Variants in EYA4 observed in about 807,000 individuals in gnomAD.
EYA4 encodes protein phosphatase EYA4.
Under a neutral mutation model 87.9 loss-of-function variants are expected in EYA4, and 31 were observed. The observed-to-expected ratio is 0.35, with a 90% CI of 0.27 to 0.48. The LOEUF (loss-of-function observed/expected upper bound fraction) is 0.48. EYA4 is among the 20% of genes least tolerant of loss of function. EYA4 has a pLI of 0.99. For missense variants in EYA4, 678 were observed against 761.4 expected (o/e 0.89, Z 1.29); for synonymous variants, 263 against 270.6 (o/e 0.97, Z 0.28).
intron 11 of EYA4, among the ~76,000 whole-genome samples, chr6:133,477,599 T>C (rs1018132050): frequency 8.5e-5 from 13 of 152,212 alleles, no homozygotes; most frequent in African/African-American, 2.9e-4. Context: ...GAAGCAGATC[T>C]AGGTTTGACC....
In EYA4 at chr6:133,525,153, G is replaced by A. The variant is rs797045088; in HGVS notation, c.1739-1G>A. ...TGAACTTTATCTCATTTATCTTCCA[G>A]GAAAAGAAAGTTGCTTTGAACGAAT... On this transcript the variant is annotated splice_acceptor_variant, in intron 18 of 19. Coordinates refer to ENST00000355286, the MANE Select transcript of EYA4 (RefSeq NM_004100.5). LOFTEE classifies it high-confidence loss of function. The A allele has an allele frequency of 2.2e-5, 36 of 1,613,518 alleles. No individual in the cohort carries two copies. Among genetic ancestry groups the A allele is most frequent in the Non-Finnish European group, 3.0e-5 (35 of 1,179,740 alleles).
In EYA4 at chr6:133,515,412, G is replaced by A. The variant is rs1461791517; in HGVS notation, c.1593G>A (p.Lys531=). ...LTDSWLTNAL[K]SLSIISTRSN... ...ATTCCTGGCTAACAAATGCACTTAA[G>A]TCTTTATCAATTATTAGCACTAGGT... The change falls in exon 17 of 20, where the codon AAG becomes AAA. Residue 531 remains lysine, a synonymous_variant. Transcript: ENST00000355286. 1.2e-6 allele frequency: 2 copies of A among 1,602,896 alleles called. No individual in the cohort carries two copies. Among genetic ancestry groups the A allele is most frequent in the Non-Finnish European group, 1.7e-6 (2 of 1,169,764 alleles).
intron 3 of EYA4, among the ~76,000 whole-genome samples, chr6:133,440,793 G>T (rs918359906): frequency 1.3e-5 from 2 of 152,164 alleles, no homozygotes; most frequent in Non-Finnish European, 2.9e-5. Flanking sequence ...ATGGAGAGTT[G>T]TGAATGTCTG....
Position 133,529,152 on chromosome 6 carries a change from T to C in EYA4, c.*347T>C, listed in dbSNP as rs1434297565. The C allele has an allele frequency of 8.5e-7, 1 of 1,177,834 alleles. No homozygotes were observed. The highest frequency in any genetic ancestry group is 1.7e-5 in the South Asian group (1 of 58,314). The allele number at this position is 1,177,834 out of a possible 1,614,324, so 73.0% of individuals were successfully genotyped here. A position where few individuals can be genotyped will look rare whatever the true frequency, so the allele number is the denominator to read the frequency against. ...ACACATGCTCCGTCTGACAAGGTGGTCAACAACATTCCTCAAAATGGGAGA... is the reference window on the plus strand; with the variant it reads ...ACACATGCTCCGTCTGACAAGGTGGCCAACAACATTCCTCAAAATGGGAGA... On this transcript the variant is annotated 3_prime_UTR_variant, in exon 20 of 20. Coordinates refer to ENST00000355286, the MANE Select transcript of EYA4 (RefSeq NM_004100.5).
intron 2 of EYA4, among the ~76,000 whole-genome samples, chr6:133,379,188 C>T (rs1332774992): frequency 6.6e-6 from 1 of 151,992 alleles, no homozygotes; most frequent in Non-Finnish European, 1.5e-5. Flanking sequence ...AGGAGGATGG[C>T]TTACACTAGG....
chr6:133,396,845 A>C (rs1290195152), intron 3 of EYA4, among the ~76,000 whole-genome samples: 1 of 152,138 alleles, frequency 6.6e-6, no homozygotes, highest in Non-Finnish European at 1.5e-5. Context: ...TGACACAACT[A>C]TCCAACCATG....
chr6:133,450,569 T>C (rs898589696), intron 5 of EYA4, among the ~76,000 whole-genome samples: 4 of 152,184 alleles, frequency 2.6e-5, no homozygotes, highest in Non-Finnish European at 5.9e-5. Flanking sequence ...AGTGGTGCCA[T>C]CTCGGCTCAC....
intron 2 of EYA4, among the ~76,000 whole-genome samples, chr6:133,365,879 A>G (rs552388531): frequency 3.3e-5 from 5 of 152,278 alleles, no homozygotes; most frequent in African/African-American, 1.2e-4. Context: ...TGCACTAAGA[A>G]TTGGCTAGCT....
intron 1 of EYA4, among the ~76,000 whole-genome samples, chr6:133,264,476 C>T (rs1780419909): frequency 6.6e-6 from 1 of 152,262 alleles, no homozygotes; most frequent in Non-Finnish European, 1.5e-5. Context: ...CATTACGTGG[C>T]TGTTGCTCCT....
intron 2 of EYA4, among the ~76,000 whole-genome samples, chr6:133,355,666 A>G (rs1450611489): frequency 6.6e-6 from 1 of 152,204 alleles, no homozygotes; most frequent in East Asian, 1.9e-4. Flanking sequence ...AGTACCTTCT[A>G]TAAGATCTCT....
At chr6:133,467,141 G>T (rs1274073127) in intron 10 of EYA4, among the ~76,000 whole-genome samples, 1 of 152,102 alleles carries the variant, frequency 6.6e-6, no homozygotes, top group African/African-American at 2.4e-5. Context: ...AATATGAAAA[G>T]ACATTATATT....
chr6:133,458,146 T>G (rs531882568), intron 6 of EYA4, among the ~76,000 whole-genome samples: 1 of 152,242 alleles, frequency 6.6e-6, no homozygotes, highest in African/African-American at 2.4e-5. Flanking sequence ...CATATTGTCT[T>G]TGTAGATATT....
At chr6:133,298,093 T>C (rs919638172) in intron 2 of EYA4, among the ~76,000 whole-genome samples, 21 of 152,352 alleles carry the variant, frequency 1.4e-4, no homozygotes, top group Middle Eastern at 6.8e-3. Context: ...TCTTGTGTTC[T>C]CATGGATCAT....
intron 2 of EYA4, among the ~76,000 whole-genome samples, chr6:133,359,214 A>G (rs951217928): frequency 1.4e-4 from 22 of 152,200 alleles, no homozygotes; most frequent in African/African-American, 5.3e-4. Flanking sequence ...CTGAGGGTTA[A>G]GGGGGCTGAC....
chr6:133,418,104 A>G (rs970985), intron 3 of EYA4, among the ~76,000 whole-genome samples: 5,033 of 152,282 alleles, frequency 0.033, 265 homozygotes, highest in East Asian at 0.23. Context: ...GATGTAGTGC[A>G]TTATGGCATT....
In EYA4 at chr6:133,481,524, T is replaced by C; in HGVS notation, c.1032T>C (p.Cys344=). 5 of 1,613,848 alleles carry C rather than the reference T, an allele frequency of 3.1e-6. No homozygotes were observed. Among genetic ancestry groups the C allele is most frequent in the Non-Finnish European group, 4.2e-6 (5 of 1,179,818 alleles). ...TCAAAGATCTTGATGAGAGAACCTG[T>C]AGGAGTTCTGGGTCAAAGTCCAGAG... ...TPIKDLDERT[C]RSSGSKSRGR... Residue 344 remains cysteine (C), a synonymous_variant, in exon 12 of 20, where the codon TGT becomes TGC. Transcript: ENST00000355286.
chr6:133,403,405 A>G (rs181673848), intron 3 of EYA4, among the ~76,000 whole-genome samples: 94 of 152,320 alleles, frequency 6.2e-4, no homozygotes, highest in African/African-American at 2.1e-3. Context: ...TAGCCTAAAC[A>G]ATAGTATTTT....
At chr6:133,354,095 A>T (rs1384875856) in intron 2 of EYA4, among the ~76,000 whole-genome samples, 2 of 152,152 alleles carry the variant, frequency 1.3e-5, no homozygotes, top group East Asian at 3.8e-4. Context: ...TAAACCATGC[A>T]TAATTACTGG....
intron 2 of EYA4, among the ~76,000 whole-genome samples, chr6:133,348,242 C>T (rs998883473): frequency 6.7e-6 from 1 of 149,340 alleles, no homozygotes; most frequent in South Asian, 2.1e-4. Flanking sequence ...ACAAATCTTC[C>T]TCCTCATCTC....
Sources: gnomAD v4.1 joint callset for allele counts (sites outside exome capture counted in the v4.1 genomes callset) on GRCh38, gnomAD v4.1.1 for gene constraint, MANE v1.5 for transcripts, NCBI Gene and HGNC (gene_info 2026-07-23, HGNC 2026-07-21) for gene names.